TMEM109: variants seen among roughly 807,000 people sequenced by gnomAD.
The protein encoded by TMEM109 is voltage-gated monoatomic cation channel TMEM109.
In TMEM109, 19 loss-of-function variants were observed where a neutral mutation model predicts 26.4. The ratio of observed to expected loss-of-function variants is 0.72; its 90% CI spans 0.50 to 1.06. TMEM109 has a LOEUF of 1.06. Ranked by LOEUF, TMEM109 falls within the 50% of genes least tolerant of loss-of-function variation. The pLI is 0.00. For missense variants in TMEM109, 262 were observed against 303.4 expected, an observed-to-expected ratio of 0.86 and a Z score of 1.01; for synonymous variants, 129 against 142.0, an observed-to-expected ratio of 0.91 and a Z score of 0.65.
chr11:60,921,758 C>T lies in TMEM109; in HGVS notation c.341-16C>T. The T allele has an allele frequency of 6.3e-7, 1 of 1,598,524 alleles. No homozygotes were observed. Among genetic ancestry groups the T allele is most frequent in the Non-Finnish European group, 8.5e-7 (1 of 1,173,904 alleles). On this transcript the variant is annotated splice_polypyrimidine_tract_variant and intron_variant, in intron 3 of 3. Coordinates refer to ENST00000227525, the MANE Select transcript of TMEM109 (RefSeq NM_024092.3). ...TTCTCCAGGTTGGCTGACTCTGTGA[C>T]TCTCTTGGCTTCCAGGTGATTACCT...
intron 1 of TMEM109, among the ~76,000 whole-genome samples, chr11:60,916,531 T>C (rs1273433180): frequency 6.6e-6 from 1 of 152,044 alleles, no homozygotes; most frequent in Non-Finnish European, 1.5e-5. Context: ...TAGCAGTGAG[T>C]CCATACTGCC....
chr11:60,915,784 A>G (rs911375752), intron 1 of TMEM109, among the ~76,000 whole-genome samples: 1 of 152,210 alleles, frequency 6.6e-6, no homozygotes, highest in African/African-American at 2.4e-5. Context: ...CTACCCTTGT[A>G]GCAAACCACA....
chr11:60,916,992 C>CAGGATGAG (rs1184190033), intron 1 of TMEM109, among the ~76,000 whole-genome samples: 178 of 152,304 alleles, frequency 1.2e-3, no homozygotes, highest in African/African-American at 4.1e-3. Context: ...TCCTCATCTG[C>CAGGATGAG]GACCACTGGC....
chr11:60,917,931 G>A (rs1363855223), intron 1 of TMEM109, among the ~76,000 whole-genome samples: 1 of 152,126 alleles, frequency 6.6e-6, no homozygotes, highest in Non-Finnish European at 1.5e-5. Context: ...CCAAAGTGTT[G>A]GGATTACAGG....
At chr11:60,921,654 T>G in intron 3 of TMEM109, 120 bp from the exon 4 acceptor site, 2 of 749,684 alleles carry the variant, frequency 2.7e-6, no homozygotes, top group Non-Finnish European at 4.5e-6. Flanking sequence ...ACTCTGAGTC[T>G]GCGAGAACGG....
chr11:60,921,826 C>T lies in TMEM109; in HGVS notation c.393C>T (p.Phe131=). The change falls in exon 4 of 4, where the codon TTC becomes TTT. Residue 131 remains phenylalanine (F), a synonymous_variant. Coordinates refer to ENST00000227525, the MANE Select transcript of TMEM109 (RefSeq NM_024092.3). The part of the protein sequence containing the change: ...LKLSPGQVQT[F]LLWGAGALVV... ...TCAGCCCTGGCCAGGTCCAGACCTT[C>T]CTGCTGTGGGGAGCAGGGGCCCTGG... The T allele has an allele frequency of 6.2e-7, 1 of 1,614,126 alleles. No individual in the cohort carries two copies.
At chr11:60,921,545 T>C (rs1856238864) in intron 3 of TMEM109, among the ~76,000 whole-genome samples, 1 of 152,218 alleles carries the variant, frequency 6.6e-6, no homozygotes, top group African/African-American at 2.4e-5. Flanking sequence ...AGTAGAATTG[T>C]TCCCGTTTAG....
chr11:60,917,184 T>C (rs1024556979), intron 1 of TMEM109, among the ~76,000 whole-genome samples: 4 of 152,200 alleles, frequency 2.6e-5, no homozygotes, highest in Non-Finnish European at 1.5e-5. Context: ...TTAGAACCCT[T>C]TCCTAGACTC....
intron 1 of TMEM109, among the ~76,000 whole-genome samples, chr11:60,915,467 C>T (rs958009194): frequency 1.3e-5 from 2 of 152,230 alleles, no homozygotes; most frequent in Non-Finnish European, 1.5e-5. Flanking sequence ...TCCGAAATTC[C>T]TGAGGAGCTT....
intron 1 of TMEM109, chr11:60,918,436 G>A (rs1245517523): frequency 1.3e-5 from 2 of 152,146 alleles, no homozygotes; most frequent in East Asian, 1.9e-4. Flanking sequence ...CAGGAAATCA[G>A]GCCAAAGTCA....
chr11:60,916,024 A>G (rs1009681970), intron 1 of TMEM109, among the ~76,000 whole-genome samples: 4 of 152,156 alleles, frequency 2.6e-5, no homozygotes, highest in Admixed American at 2.6e-4. Flanking sequence ...AGGAGTCTGG[A>G]TGTCCTTCCA....
chr11:60,916,385 G>C (rs909936558), intron 1 of TMEM109, among the ~76,000 whole-genome samples: 1 of 152,128 alleles, frequency 6.6e-6, no homozygotes, highest in Non-Finnish European at 1.5e-5. Context: ...TGTTAATTGA[G>C]TGCCTATTAT....
chr11:60,923,112 CCACCCCGG>C lies in TMEM109; in HGVS notation c.*950_*957del, dbSNP rs1431461586. ...CCGAGAAGGAGTTGCTGACCAGTGC[CCACCCCGG>C]CAGCCCGGGAGGAACACAGGCAGCT... On this transcript the variant is annotated 3_prime_UTR_variant, in exon 4 of 4. Transcript: ENST00000227525. 1 of 152,624 alleles carries C rather than the reference CCACCCCGG, an allele frequency of 6.6e-6. No homozygotes were observed. Among genetic ancestry groups the C allele is most frequent in the African/African-American group, 2.4e-5 (1 of 41,452 alleles). 9.5% of individuals were successfully genotyped at this position (152,624 alleles called of 1,614,324 possible). A position where few individuals can be genotyped will look rare whatever the true frequency, so the allele number is the denominator to read the frequency against.
rs750181700 is a variant in TMEM109 at position 60,921,882 on chromosome 11, G to C, written c.449G>C (p.Gly150Ala). The change falls in exon 4 of 4, where the codon GGC becomes GCC. Residue 150 changes from glycine (G) to alanine (A), a missense_variant. Transcript: ENST00000227525. ...TACTGGCTGCTGTCTCTGCTCCTCG[G>C]CTTGGTCTTGGCCTTGCTGGGGCGG... is the stretch of plus-strand genomic sequence containing the variant. ...VVYWLLSLLL[G>A]LVLALLGRIL... The C allele has an allele frequency of 2.5e-6, 4 of 1,614,064 alleles. No homozygotes were observed. The African/African-American group carries it at 5.3e-5, about 22-fold the overall frequency.
In TMEM109 at chr11:60,920,230, C is replaced by T. The variant is rs1256923060; in HGVS notation, c.237+300C>T. Among the ~76,000 whole-genome samples, 3 of 152,172 alleles carry T rather than the reference C, an allele frequency of 2.0e-5. No individual in the cohort carries two copies. In the East Asian group the frequency reaches 5.8e-4, roughly 29 times the overall value. On this transcript the variant is annotated intron_variant, in intron 2 of 3. Coordinates refer to ENST00000227525, the MANE Select transcript of TMEM109 (RefSeq NM_024092.3). ...GGTGACTGTAGAGTCTCACTTTGGT[C>T]TAAATCTGACCTAGAATCTCGAAAT...
Position 60,922,340 on chromosome 11 carries a change from C to T in TMEM109, c.*175C>T, listed in dbSNP as rs768411305. ...AAACAGAGAAAGACCATTCCCCCTGCCTGTCCTTGCGGCCCTGTCTTCTGA... is the reference window on the plus strand; with the variant it reads ...AAACAGAGAAAGACCATTCCCCCTGTCTGTCCTTGCGGCCCTGTCTTCTGA... On this transcript the variant is annotated 3_prime_UTR_variant, in exon 4 of 4. Coordinates refer to ENST00000227525, the MANE Select transcript of TMEM109 (RefSeq NM_024092.3). The T allele has an allele frequency of 6.5e-7, 1 of 1,535,490 alleles. No individual in the cohort carries two copies. The highest frequency in any genetic ancestry group is 8.7e-7 in the Non-Finnish European group (1 of 1,146,368).
chr11:60,915,545 C>A (rs1856163988), intron 1 of TMEM109, among the ~76,000 whole-genome samples: 1 of 152,200 alleles, frequency 6.6e-6, no homozygotes, highest in African/African-American at 2.4e-5. Flanking sequence ...GGGCAGACGT[C>A]CTTGTTTAAC....
chr11:60,920,877 T>G lies in TMEM109; in HGVS notation c.238-9T>G, dbSNP rs1856227887. 1 of 1,612,942 alleles carries G rather than the reference T, an allele frequency of 6.2e-7. No individual in the cohort carries two copies. The highest frequency in any genetic ancestry group is 1.3e-5 in the African/African-American group (1 of 74,920). On this transcript the variant is annotated splice_polypyrimidine_tract_variant and intron_variant, in intron 2 of 3. Coordinates refer to ENST00000227525, the MANE Select transcript of TMEM109 (RefSeq NM_024092.3). ...TATGAACTCATCTCGCTCCGTGCTCTTTCCACAGTCTTCGTCCCAAGTGTT... is the reference window on the plus strand; with the variant it reads ...TATGAACTCATCTCGCTCCGTGCTCGTTCCACAGTCTTCGTCCCAAGTGTT...
rs1332900503 is a variant in TMEM109, at chr11:60,922,390, CTT to C, written c.*226_*227del. 6.5e-7 allele frequency: 1 copy of C among 1,527,630 alleles called. No homozygotes were observed. Among genetic ancestry groups the C allele is most frequent in the Non-Finnish European group, 8.8e-7 (1 of 1,141,384 alleles). The allele number at this position is 1,527,630 out of a possible 1,614,324, so 94.6% of individuals were successfully genotyped here. On this transcript the variant is annotated 3_prime_UTR_variant, in exon 4 of 4. Transcript: ENST00000227525. ...AGGTTCTCTGTCTGGGGTTGGCTCT[CTT>C]AACCCTTTCTCTGCTCCCAGCCTGC...
Sources: gnomAD v4.1 joint callset for allele counts (sites outside exome capture counted in the v4.1 genomes callset) on GRCh38, gnomAD v4.1.1 for gene constraint, MANE v1.5 for transcripts, NCBI Gene and HGNC (gene_info 2026-07-23, HGNC 2026-07-21) for gene names.